Variants in DUSP16 observed in about 807,000 individuals in gnomAD.
DUSP16 encodes dual specificity phosphatase 16.
Under a neutral mutation model 58.3 loss-of-function variants are expected in DUSP16, and 21 were observed. The ratio of observed to expected loss-of-function variants is 0.36; its 90% CI spans 0.26 to 0.52. The LOEUF is 0.52. Ranked by LOEUF, DUSP16 falls within the 20% of genes least tolerant of loss-of-function variation. The pLI, the probability that DUSP16 is intolerant of heterozygous loss-of-function variation, is 0.94. For synonymous variants in DUSP16, 320 were observed against 323.8 expected (o/e 0.99, Z 0.12); for missense variants, 726 against 819.0 (o/e 0.89, Z 1.39).
In DUSP16 at chr12:12,476,106, G is replaced by T. The variant is rs923455632; in HGVS notation, c.*727C>A. ...AAAAATTATCTCCATCTAGGCCCAC[G>T]GGAATTTTGTGCATAGACAGTTTGA... On this transcript the variant is annotated 3_prime_UTR_variant, in exon 7 of 7. Transcript: ENST00000298573. 2.0e-5 allele frequency: 3 copies of T among 152,498 alleles called. No homozygotes were observed. The highest frequency in any genetic ancestry group is 2.0e-4 in the Admixed American group (3 of 15,258). The allele number at this position is 152,498 out of a possible 1,614,324, so 9.4% of individuals were successfully genotyped here. A position where few individuals can be genotyped will look rare whatever the true frequency, so the allele number is the denominator to read the frequency against.
At chr12:12,556,214 G>A (rs1246543508) in intron 1 of DUSP16, among the ~76,000 whole-genome samples, 1 of 152,056 alleles carries the variant, frequency 6.6e-6, no homozygotes, top group Admixed American at 6.6e-5. Context: ...TGGTTCTATA[G>A]ACACACTTAA....
At position 12,499,537 on chromosome 12, in the gene DUSP16, C is replaced by T. The variant is rs965555326; in HGVS notation, c.531+982G>A. Among the ~76,000 whole-genome samples, 15 of 152,204 alleles carry T rather than the reference C, an allele frequency of 9.9e-5. No individual in the cohort carries two copies. In the South Asian group the frequency reaches 1.5e-3, roughly 15 times the overall value. On this transcript the variant is annotated intron_variant, in intron 4 of 6. Transcript: ENST00000298573. ...TATTGCTACCCAATGACCCGATGATCGGGTATTTTTCTTCCTCCTAGAAAG... is the reference window on the plus strand; with the variant it reads ...TATTGCTACCCAATGACCCGATGATTGGGTATTTTTCTTCCTCCTAGAAAG...
intron 4 of DUSP16, among the ~76,000 whole-genome samples, chr12:12,494,967 C>T (rs547201988): frequency 2.6e-5 from 4 of 152,212 alleles, no homozygotes; most frequent in African/African-American, 7.2e-5. Context: ...ACATGGGTAA[C>T]GGCCCCAGAA....
intron 1 of DUSP16, among the ~76,000 whole-genome samples, chr12:12,558,244 T>TC (rs1272312637): frequency 6.6e-6 from 1 of 152,234 alleles, no homozygotes; most frequent in African/African-American, 2.4e-5. Flanking sequence ...TTATAATGTA[T>TC]CCCTCCCTTT....
chr12:12,535,054 C>G (rs1944445748), intron 1 of DUSP16, among the ~76,000 whole-genome samples: 1 of 152,210 alleles, frequency 6.6e-6, no homozygotes, highest in Non-Finnish European at 1.5e-5. Flanking sequence ...ATTTTATAAT[C>G]TAGTGCTCAG....
intron 5 of DUSP16, among the ~76,000 whole-genome samples, chr12:12,483,453 G>A (rs545961328): frequency 6.6e-6 from 1 of 151,198 alleles, no homozygotes; most frequent in Admixed American, 6.6e-5. Flanking sequence ...TCCCTGTAAG[G>A]TAGGTATATT....
At chr12:12,557,803 T>C (rs549190332) in intron 1 of DUSP16, among the ~76,000 whole-genome samples, 4 of 152,362 alleles carry the variant, frequency 2.6e-5, no homozygotes, top group South Asian at 4.1e-4. Context: ...ATAAGTTACG[T>C]AAGGGCAAAA....
chr12:12,484,310 T>C (rs996798815), intron 5 of DUSP16, among the ~76,000 whole-genome samples: 10 of 152,214 alleles, frequency 6.6e-5, no homozygotes, highest in Non-Finnish European at 1.5e-4. Context: ...AAATAAATTA[T>C]AATATGTATT....
intron 1 of DUSP16, among the ~76,000 whole-genome samples, chr12:12,553,715 TG>T (rs1944767746): frequency 6.6e-6 from 1 of 152,068 alleles, no homozygotes; most frequent in South Asian, 2.1e-4. Context: ...GCCAATTTTT[TG>T]TATTTTTTGT....
chr12:12,494,617 C>T (rs1212012461), intron 4 of DUSP16, among the ~76,000 whole-genome samples: 1 of 152,058 alleles, frequency 6.6e-6, no homozygotes, highest in African/African-American at 2.4e-5. Flanking sequence ...GCTCAGATGG[C>T]GGTAGAGGCA....
intron 1 of DUSP16, among the ~76,000 whole-genome samples, chr12:12,533,758 T>C (rs1041856183): frequency 1.3e-5 from 2 of 152,200 alleles, no homozygotes; most frequent in African/African-American, 4.8e-5. Context: ...GAGACCTTGT[T>C]CCTAATTTCA....
chr12:12,513,678 C>T (rs1189237003), intron 3 of DUSP16, among the ~76,000 whole-genome samples: 1 of 152,190 alleles, frequency 6.6e-6, no homozygotes, highest in Non-Finnish European at 1.5e-5. Context: ...ATTAATAAGC[C>T]TGGCAGAGCC....
At chr12:12,488,630 C>T (rs888624742) in intron 4 of DUSP16, among the ~76,000 whole-genome samples, 4 of 152,170 alleles carry the variant, frequency 2.6e-5, no homozygotes, top group African/African-American at 7.2e-5. Flanking sequence ...TCATTTCTTC[C>T]TTCTCTTGGA....
chr12:12,510,997 T>C (rs1050089833), intron 3 of DUSP16, among the ~76,000 whole-genome samples: 1 of 152,238 alleles, frequency 6.6e-6, no homozygotes, highest in African/African-American at 2.4e-5. Context: ...AGCCAGCCAC[T>C]GCAGGGCCTT....
chr12:12,505,572 A>T (rs1943981812), intron 3 of DUSP16, among the ~76,000 whole-genome samples: 1 of 152,224 alleles, frequency 6.6e-6, no homozygotes, highest in Non-Finnish European at 1.5e-5. Context: ...CCCCCCACAG[A>T]ACAACTTTCA....
chr12:12,501,976 C>G (rs1352683600), intron 3 of DUSP16, among the ~76,000 whole-genome samples: 1 of 151,970 alleles, frequency 6.6e-6, no homozygotes, highest in Non-Finnish European at 1.5e-5. Context: ...GGCAACAGAG[C>G]AACACTCCGT....
chr12:12,522,261 T>C (rs890770747), intron 1 of DUSP16, among the ~76,000 whole-genome samples: 1 of 152,184 alleles, frequency 6.6e-6, no homozygotes, highest in African/African-American at 2.4e-5. Context: ...TCCTGCTTCA[T>C]TCTTCAGAGA....
chr12:12,508,944 C>A (rs984741544), intron 3 of DUSP16, among the ~76,000 whole-genome samples: 3 of 152,172 alleles, frequency 2.0e-5, no homozygotes, highest in African/African-American at 7.2e-5. Context: ...GATCTTATAA[C>A]TCAGGATAAT....
chr12:12,493,770 T>TGAA, intron 4 of DUSP16, among the ~76,000 whole-genome samples: 1 of 152,218 alleles, frequency 6.6e-6, no homozygotes, highest in South Asian at 2.1e-4. Flanking sequence ...TGCCTCTATC[T>TGAA]CAATTAGGCC....
Sources: allele counts gnomAD v4.1 joint callset (sites outside exome capture counted in the v4.1 genomes callset), GRCh38; gene constraint gnomAD v4.1.1; transcripts MANE v1.5; gene names NCBI Gene and HGNC (gene_info 2026-07-23, HGNC 2026-07-21).